The following GABRP variants were observed in gnomAD, a reference collection of about 807,000 sequenced individuals.
GABRP encodes gamma-aminobutyric acid type A receptor subunit pi.
Under a neutral mutation model 47.8 loss-of-function variants are expected in GABRP, and 52 were observed. The observed-to-expected ratio is 1.09, with a 90% CI of 0.87 to 1.37. The LOEUF is 1.37. GABRP is among the 40% of genes most tolerant of loss of function. The pLI, the probability that GABRP is intolerant of heterozygous loss-of-function variation, is 0.00. For synonymous variants in GABRP, 221 were observed against 205.8 expected (o/e 1.07, Z -0.63); for missense variants, 525 against 542.8 (o/e 0.97, Z 0.33).
rs936059739 is a variant in GABRP, at chr5:170,812,980, C to T, written c.*722C>T. On this transcript the variant is annotated 3_prime_UTR_variant, in exon 10 of 10. Coordinates refer to ENST00000265294, the MANE Select transcript of GABRP (RefSeq NM_014211.3). ...GAAGGACTCTGAGGCTTTATTCCCCCACTATGCATATCTTATCATTTTATT... is the reference window on the plus strand; with the variant it reads ...GAAGGACTCTGAGGCTTTATTCCCCTACTATGCATATCTTATCATTTTATT... 2.6e-5 allele frequency: 4 copies of T among 152,206 alleles called. No homozygotes were observed. The East Asian group carries it at 7.7e-4, about 29-fold the overall frequency. 9.4% of individuals were successfully genotyped at this position (152,206 alleles called of 1,614,324 possible).
At position 170,797,566 on chromosome 5, in the gene GABRP, AG is replaced by A. The variant is rs748904059; in HGVS notation, c.541+20del. 1 of 1,495,664 alleles carries A rather than the reference AG, an allele frequency of 6.7e-7. No individual in the cohort carries two copies. The highest frequency in any genetic ancestry group is 2.3e-5 in the East Asian group (1 of 44,266). The allele number at this position is 1,495,664 out of a possible 1,614,324, so 92.6% of individuals were successfully genotyped here. A position where few individuals can be genotyped will look rare whatever the true frequency, so the allele number is the denominator to read the frequency against. ...GGAAAGCTGTAAGTATACATCCTAC[AG>A]GCTCCTGAGATGATTTTCCTGGGTG... On this transcript the variant is annotated intron_variant, in intron 6 of 9. Transcript: ENST00000265294.
chr5:170,792,117 G>C (rs376532030), intron 3 of GABRP, among the ~76,000 whole-genome samples: 1 of 152,214 alleles, frequency 6.6e-6, no homozygotes, highest in African/African-American at 2.4e-5. Context: ...TCAAACCACA[G>C]TGGCTCTAGT....
intron 1 of GABRP, among the ~76,000 whole-genome samples, chr5:170,785,358 A>C (rs1031801500): frequency 1.3e-5 from 2 of 152,224 alleles, no homozygotes; most frequent in Admixed American, 6.5e-5. Flanking sequence ...TCCCCTTGCA[A>C]ATCTAAGATT....
chr5:170,807,400 T>A (rs2127265227), intron 7 of GABRP, among the ~76,000 whole-genome samples: 1 of 152,350 alleles, frequency 6.6e-6, no homozygotes, highest in Middle Eastern at 3.4e-3. Context: ...AAAAAATGGC[T>A]TCAGTTTTCA....
intron 6 of GABRP, among the ~76,000 whole-genome samples, chr5:170,799,359 G>A (rs555520115): frequency 6.6e-6 from 1 of 152,332 alleles, no homozygotes; most frequent in East Asian, 1.9e-4. Context: ...TCGCCACACT[G>A]TCTTCCACAG....
intron 5 of GABRP, among the ~76,000 whole-genome samples, chr5:170,796,067 C>A (rs1765418949): frequency 6.6e-6 from 1 of 152,238 alleles, no homozygotes; most frequent in African/African-American, 2.4e-5. Flanking sequence ...GAACAGGACT[C>A]ATCCCTGCCT....
At chr5:170,800,974 T>C (rs1765575268) in intron 6 of GABRP, among the ~76,000 whole-genome samples, 1 of 152,208 alleles carries the variant, frequency 6.6e-6, no homozygotes, top group Non-Finnish European at 1.5e-5. Flanking sequence ...TAGTAATAAA[T>C]ATTCTTTTCC....
intron 6 of GABRP, among the ~76,000 whole-genome samples, chr5:170,803,369 G>A (rs1239652768): frequency 6.6e-6 from 1 of 152,160 alleles, no homozygotes; most frequent in Non-Finnish European, 1.5e-5. Context: ...ACTGAGTTTT[G>A]CCATCACTAG....
chr5:170,810,021 C>T lies in GABRP; in HGVS notation c.1020+266C>T, dbSNP rs886650482. 6 of 699,468 alleles carry T rather than the reference C, an allele frequency of 8.6e-6. No individual in the cohort carries two copies. In the African/African-American group the frequency reaches 8.7e-5, roughly 10 times the overall value. The allele number at this position is 699,468 out of a possible 1,614,324, so 43.3% of individuals were successfully genotyped here. ...ATCTGTATGCAGCATAAAATCACAA[C>T]CACAGGAGCAAGCATCCATGAAGAA... is the stretch of plus-strand genomic sequence containing the variant. On this transcript the variant is annotated intron_variant, in intron 9 of 9. Coordinates refer to ENST00000265294, the MANE Select transcript of GABRP (RefSeq NM_014211.3).
chr5:170,797,002 C>T (rs7702639), intron 5 of GABRP, among the ~76,000 whole-genome samples: 5 of 152,284 alleles, frequency 3.3e-5, no homozygotes, highest in African/African-American at 9.6e-5. Context: ...GAGGCAGGGC[C>T]TCATGAGAAG....
chr5:170,789,816 C>A (rs942782435), intron 3 of GABRP, among the ~76,000 whole-genome samples: 1 of 152,162 alleles, frequency 6.6e-6, no homozygotes, highest in Admixed American at 6.5e-5. Context: ...TCCCTGACAT[C>A]CCTGGCCTCT....
intron 7 of GABRP, among the ~76,000 whole-genome samples, chr5:170,808,279 A>G (rs1349616595): frequency 6.6e-6 from 1 of 152,210 alleles, no homozygotes; most frequent in Non-Finnish European, 1.5e-5. Context: ...TTGTGAGTGC[A>G]GAACTGAAAG....
intron 6 of GABRP, among the ~76,000 whole-genome samples, chr5:170,801,188 C>T (rs1165359691): frequency 3.3e-5 from 5 of 152,192 alleles, no homozygotes; most frequent in Admixed American, 2.6e-4. Context: ...GGAATGGCCC[C>T]AAGGTCCCAA....
At chr5:170,785,089 G>T (rs917460749) in intron 1 of GABRP, among the ~76,000 whole-genome samples, 2 of 152,206 alleles carry the variant, frequency 1.3e-5, no homozygotes, top group Admixed American at 1.3e-4. Context: ...ATTGAGGCTG[G>T]CCGACACATA....
chr5:170,805,588 G>A, intron 6 of GABRP, 128 bp from the exon 7 acceptor site: 1 of 1,036,756 alleles, frequency 9.6e-7, no homozygotes, highest in Non-Finnish European at 1.4e-6. Flanking sequence ...GTTCTGCATG[G>A]GATTGTCCTT....
intron 3 of GABRP, among the ~76,000 whole-genome samples, chr5:170,791,753 G>A (rs369162344): frequency 2.2e-4 from 33 of 152,202 alleles, no homozygotes; most frequent in African/African-American, 6.3e-4. Flanking sequence ...AGTAGATGCC[G>A]TAACCGTGCC....
In GABRP at chr5:170,797,456, T is replaced by TC; in HGVS notation, c.459-7dup. 1 of 1,580,980 alleles carries TC rather than the reference T, an allele frequency of 6.3e-7. No individual in the cohort carries two copies. The highest frequency in any genetic ancestry group is 8.7e-7 in the Non-Finnish European group (1 of 1,149,850). ...ACAATACTGTTTTTGAACCTGTTTT[T>TC]CCCTCTTAGAATCACGACAACTGTT... On this transcript the variant is annotated splice_polypyrimidine_tract_variant and intron_variant, in intron 5 of 9. Transcript: ENST00000265294.
chr5:170,809,603 A>C lies in GABRP; in HGVS notation c.868A>C (p.Ile290Leu). The C allele has an allele frequency of 6.2e-7, 1 of 1,614,138 alleles. No individual in the cohort carries two copies. The highest frequency in any genetic ancestry group is 8.5e-7 in the Non-Finnish European group (1 of 1,180,016). ...TTVLSMTTLM[I>L]GSRTSLPNTN... is the part of the protein sequence containing the mutation. ...CGTGTTATCAATGACCACACTGATG[A>C]TCGGGTCCCGCACTTCTCTTCCCAA... The change falls in exon 9 of 10, where the codon ATC (isoleucine) becomes CTC (leucine). Residue 290 changes from isoleucine (I) to leucine (L), a missense_variant. Physicochemically the swap from Ile to Leu is conservative, Grantham distance 5 (BLOSUM62 2). Transcript: ENST00000265294.
At chr5:170,811,737 C>A (rs925592704) in intron 9 of GABRP, among the ~76,000 whole-genome samples, 2 of 152,198 alleles carry the variant, frequency 1.3e-5, no homozygotes, top group Non-Finnish European at 2.9e-5. Context: ...GTTTACTCCT[C>A]CTGTTATATA....
Sources: allele counts gnomAD v4.1 joint callset (sites outside exome capture counted in the v4.1 genomes callset), GRCh38; gene constraint gnomAD v4.1.1; transcripts MANE v1.5; gene names NCBI Gene and HGNC (gene_info 2026-07-23, HGNC 2026-07-21).